OR2L13: variants seen among roughly 807,000 people sequenced by gnomAD.
OR2L13 encodes olfactory receptor family 2 subfamily L member 13.
A neutral mutation model predicts 15.3 loss-of-function variants in OR2L13; 14 were observed. The observed-to-expected ratio is 0.91, with a 90% confidence interval of 0.60 to 1.43. The LOEUF is 1.43. Among genes scored for constraint, OR2L13 ranks in the 40% most tolerant of loss-of-function variants. The probability of loss-of-function intolerance (pLI) is 0.00; values close to 1 mark genes in which losing one functional copy is unlikely to be tolerated. For synonymous variants in OR2L13, 152 were observed against 142.9 expected, an observed-to-expected ratio of 1.06 and a Z score of -0.45; for missense variants, 367 against 387.9, an observed-to-expected ratio of 0.95 and a Z score of 0.45.
the OR2L13 span, among the ~76,000 whole-genome samples, chr1:248,018,091 CT>C: frequency 3.4e-5 from 5 of 148,986 alleles, no homozygotes; most frequent in Non-Finnish European, 5.9e-5. Context: ...GGAGGCGGAG[CT>C]TGCAGTGAGC....
At chr1:248,027,417 T>G in the OR2L13 span, among the ~76,000 whole-genome samples, 1 of 152,172 alleles carries the variant, frequency 6.6e-6, no homozygotes, top group Non-Finnish European at 1.5e-5. Context: ...TTTTATTACC[T>G]TGTGAAGCAT....
the OR2L13 span, among the ~76,000 whole-genome samples, chr1:248,027,126 G>A: frequency 9.2e-5 from 14 of 152,196 alleles, no homozygotes; most frequent in South Asian, 2.9e-3. Context: ...TGAGTTCCTA[G>A]GGGGCGGCCT....
chr1:248,077,089 A>G, the OR2L13 span, among the ~76,000 whole-genome samples: 1 of 152,080 alleles, frequency 6.6e-6, no homozygotes, highest in Non-Finnish European at 1.5e-5. Flanking sequence ...TTCTGCATCT[A>G]TTGAGATAAT....
the OR2L13 span, among the ~76,000 whole-genome samples, chr1:247,997,788 A>T: frequency 6.6e-6 from 1 of 152,176 alleles, no homozygotes. Context: ...CCATCCTCTG[A>T]CATTAGTGAC....
At chr1:248,051,769 T>TTTTATTTATTTA in the OR2L13 span, among the ~76,000 whole-genome samples, 498 of 151,496 alleles carry the variant, frequency 3.3e-3, 5 homozygotes, top group African/African-American at 0.012. Flanking sequence ...TCTGCTTTTA[T>TTTTATTTATTTA]TTTATTTATT....
the OR2L13 span, among the ~76,000 whole-genome samples, chr1:248,048,487 G>T: frequency 6.6e-6 from 1 of 152,092 alleles, no homozygotes; most frequent in Non-Finnish European, 1.5e-5. Flanking sequence ...AGCTGTCCTT[G>T]TCTATACTCC....
At chr1:247,975,231 A>G in the OR2L13 span, 1 of 406,822 alleles carries the variant, frequency 2.5e-6, no homozygotes, top group South Asian at 2.0e-5. Context: ...TATGCCCCAT[A>G]TCCCTGTTGC....
At chr1:248,081,957 T>C in the OR2L13 span, among the ~76,000 whole-genome samples, 1 of 152,126 alleles carries the variant, frequency 6.6e-6, no homozygotes, top group African/African-American at 2.4e-5. Context: ...GACACTTATA[T>C]TGAAGATACA....
At chr1:248,076,837 T>C in the OR2L13 span, among the ~76,000 whole-genome samples, 13 of 152,150 alleles carry the variant, frequency 8.5e-5, no homozygotes, top group African/African-American at 2.7e-4. Flanking sequence ...CCTTTATTTC[T>C]TTCTCTTGCC....
At chr1:247,952,357 C>A in the OR2L13 span, among the ~76,000 whole-genome samples, 3 of 152,234 alleles carry the variant, frequency 2.0e-5, no homozygotes, top group Non-Finnish European at 4.4e-5. Context: ...TAAATCTAAA[C>A]CCCTAAAATG....
the OR2L13 span, among the ~76,000 whole-genome samples, chr1:247,954,958 A>T: frequency 1.1e-3 from 174 of 151,404 alleles, 1 homozygote; most frequent in Middle Eastern, 3.4e-3. Flanking sequence ...ATATATATAT[A>T]TATTTTTACT....
the OR2L13 span, among the ~76,000 whole-genome samples, chr1:247,938,155 T>A: frequency 1.3e-5 from 2 of 152,186 alleles, no homozygotes; most frequent in Non-Finnish European, 2.9e-5. Context: ...CCCTGACAAT[T>A]GAGTTTTTTT....
the OR2L13 span, chr1:247,975,329 C>G: frequency 1.2e-5 from 6 of 516,886 alleles, no homozygotes; most frequent in Middle Eastern, 1.9e-3. Context: ...TTGAGCACAA[C>G]CCTCTTTCTC....
At chr1:248,069,967 T>A in the OR2L13 span, among the ~76,000 whole-genome samples, 1 of 151,978 alleles carries the variant, frequency 6.6e-6, no homozygotes, top group African/African-American at 2.4e-5. Flanking sequence ...GCACCCAGAT[T>A]CATAAAGCAA....
the OR2L13 span, among the ~76,000 whole-genome samples, chr1:248,073,398 T>G: frequency 6.6e-6 from 1 of 152,024 alleles, no homozygotes; most frequent in Non-Finnish European, 1.5e-5. Context: ...ATACCACATG[T>G]TCTCACTCAA....
At chr1:248,022,972 C>T in the OR2L13 span, 1 of 1,214,612 alleles carries the variant, frequency 8.2e-7, no homozygotes, top group Non-Finnish European at 1.2e-6. Flanking sequence ...ATTACATGCC[C>T]AGTATGTCAA....
At chr1:248,099,081 C>T (rs6699211) in intron 2 of OR2L13, among the ~76,000 whole-genome samples, 2,468 of 152,278 alleles carry the variant, frequency 0.016, 74 homozygotes, top group African/African-American at 0.056. Context: ...AATTGTTCTA[C>T]TGCTCACACT....
At chr1:248,021,317 T>A in the OR2L13 span, among the ~76,000 whole-genome samples, 2 of 152,196 alleles carry the variant, frequency 1.3e-5, no homozygotes, top group African/African-American at 4.8e-5. Context: ...AGATTAGTCA[T>A]CTAAGAGTTA....
chr1:248,088,562 A>T, the OR2L13 span, among the ~76,000 whole-genome samples: 1 of 152,168 alleles, frequency 6.6e-6, no homozygotes, highest in African/African-American at 2.4e-5. Flanking sequence ...ATCCATGTTC[A>T]TTGATGTCAT....
Sources: gnomAD v4.1 joint callset for allele counts (sites outside exome capture counted in the v4.1 genomes callset) on GRCh38, gnomAD v4.1.1 for gene constraint, MANE v1.5 for transcripts, NCBI Gene and HGNC (gene_info 2026-07-23, HGNC 2026-07-21) for gene names.